The following PIK3R4 variants were observed in gnomAD, a reference collection of about 807,000 sequenced individuals.
The protein encoded by PIK3R4 is phosphoinositide-3-kinase regulatory subunit 4, also known as phosphoinositide 3-kinase regulatory subunit 4.
In PIK3R4, 46 loss-of-function variants were observed where a neutral mutation model predicts 136.5. The ratio of observed to expected loss-of-function variants is 0.34; its 90% confidence interval spans 0.27 to 0.43. The LOEUF (loss-of-function observed/expected upper bound fraction) is 0.43, where lower values mean the gene tolerates loss of function less well. Among genes scored for constraint, PIK3R4 ranks in the 20% least tolerant of loss-of-function variants. PIK3R4 has a pLI of 1.00. For missense variants in PIK3R4, 1,331 were observed against 1,649.5 expected (o/e 0.81, Z 3.35); for synonymous variants, 557 against 566.7 (o/e 0.98, Z 0.24).
At chr3:130,728,406 GAAGT>G (rs2066744537) in intron 6 of PIK3R4, 53 bp downstream of exon 6, 2 of 1,027,504 alleles carry the variant, frequency 1.9e-6, no homozygotes, top group Admixed American at 4.7e-5. Flanking sequence ...AGATTGCATG[GAAGT>G]ATTTGAGAGG....
intron 13 of PIK3R4, among the ~76,000 whole-genome samples, chr3:130,702,639 TA>T (rs2066581424): frequency 6.6e-6 from 1 of 151,986 alleles, no homozygotes; most frequent in South Asian, 2.1e-4. Context: ...CAGACCAAAC[TA>T]GGCAAAGAAC....
At position 130,679,458 on chromosome 3, in the gene PIK3R4, G is replaced by A. The variant is rs756817117; in HGVS notation, c.3934C>T (p.Pro1312Ser). The A allele has an allele frequency of 2.5e-6, 4 of 1,611,982 alleles. No homozygotes were observed. The highest frequency in any genetic ancestry group is 3.3e-5 in the Admixed American group (2 of 59,818). Residue 1312 changes from proline (P) to serine (S), a missense_variant, in exon 20 of 20, where the codon CCA becomes TCA. This residue lies in a region of PIK3R4 where 1,180 missense variants were observed against 1,407.0 expected (regional missense o/e 0.84). Coordinates refer to ENST00000356763, the MANE Select transcript of PIK3R4 (RefSeq NM_014602.3). ...CCCCTTCGAGGGGTGTCATCACTTG[G>A]TCCTACTTTCTGCTTATTCTGAATT... Reference protein sequence around the residue: ...QEIQNKQKVGPSDDTPRRGPE... With the variant: ...QEIQNKQKVGSSDDTPRRGPE...
In PIK3R4 at chr3:130,680,687, C is replaced by T; in HGVS notation, c.3832G>A (p.Val1278Ile). ...WDLAYPERSY[V>I]VAGSTSSPSV... is the part of the protein sequence containing the mutation. ...GGGGAACTAGTACTTCCTGCAACAA[C>T]ATAGGACCTTTCTGGGTAAGCCAAG... Residue 1278 changes from valine (V) to isoleucine (I), a missense_variant, in exon 19 of 20, where the codon GTT becomes ATT. Val to Ile is a conservative substitution (Grantham distance 29, BLOSUM62 3). Around this residue, in one of 2 missense-constraint regions of PIK3R4, gnomAD observed 1,180 missense variants for 1,407.0 expected, o/e 0.84. Transcript: ENST00000356763. 6.2e-7 allele frequency: 1 copy of T among 1,612,834 alleles called. No homozygotes were observed. The highest frequency in any genetic ancestry group is 8.5e-7 in the Non-Finnish European group (1 of 1,179,122).
intron 4 of PIK3R4, among the ~76,000 whole-genome samples, chr3:130,732,128 C>T (rs149925506): frequency 2.5e-4 from 38 of 152,278 alleles, no homozygotes; most frequent in African/African-American, 9.1e-4. Context: ...AGAATTAGAC[C>T]GGATACATTT....
intron 7 of PIK3R4, among the ~76,000 whole-genome samples, chr3:130,720,748 T>A (rs1017211474): frequency 2.0e-5 from 3 of 152,186 alleles, no homozygotes; most frequent in African/African-American, 7.2e-5. Flanking sequence ...TTACAGCACC[T>A]GGGTATAGCA....
intron 2 of PIK3R4, 32 bp downstream of exon 2, chr3:130,744,454 G>C: frequency 1.3e-6 from 2 of 1,554,122 alleles, no homozygotes; most frequent in East Asian, 4.5e-5. Flanking sequence ...AAAAACACAT[G>C]CTCCCTTAGC....
chr3:130,728,368 T>C, intron 6 of PIK3R4, 95 bp downstream of exon 6: 1 of 688,808 alleles, frequency 1.5e-6, no homozygotes, highest in Non-Finnish European at 2.4e-6. Flanking sequence ...TCATTATTAA[T>C]GAAATTTGGT....
chr3:130,691,441 C>T (rs1559820816), intron 13 of PIK3R4, among the ~76,000 whole-genome samples: 1 of 152,244 alleles, frequency 6.6e-6, no homozygotes, highest in East Asian at 1.9e-4. Flanking sequence ...AATATTCAGT[C>T]TCTCCCACAC....
chr3:130,741,183 G>A lies in PIK3R4; in HGVS notation c.733+3303C>T, dbSNP rs1466499517. 2.0e-5 allele frequency among the ~76,000 whole-genome samples: 3 copies of A among 152,160 alleles called. No homozygotes were observed. The East Asian group carries it at 5.8e-4, about 29-fold the overall frequency. The stretch of plus-strand genomic sequence containing the variant: ...CAGAGCCTTTAAGGAGTTAATTAGG[G>A]TTAAAGAGGTAATAAGGGTGTGCCC... On this transcript the variant is annotated intron_variant, in intron 2 of 19. Transcript: ENST00000356763.
intron 2 of PIK3R4, among the ~76,000 whole-genome samples, chr3:130,741,548 G>A (rs1300191415): frequency 2.6e-5 from 4 of 152,202 alleles, no homozygotes; most frequent in East Asian, 1.9e-4. Context: ...TGTTTAAATC[G>A]TCACTATCAT....
At chr3:130,713,982 G>T (rs2066646681) in intron 9 of PIK3R4, among the ~76,000 whole-genome samples, 1 of 152,082 alleles carries the variant, frequency 6.6e-6, no homozygotes, top group Non-Finnish European at 1.5e-5. Flanking sequence ...TGGGATGAAG[G>T]TTTTTAAATT....
intron 2 of PIK3R4, among the ~76,000 whole-genome samples, chr3:130,737,919 T>C (rs1483867496): frequency 1.3e-5 from 2 of 152,208 alleles, no homozygotes; most frequent in South Asian, 2.1e-4. Context: ...TTTTGCACCA[T>C]GGTAAAATCA....
chr3:130,708,248 A>C, intron 10 of PIK3R4, 43 bp downstream of exon 10: 1 of 1,475,580 alleles, frequency 6.8e-7, no homozygotes, highest in Non-Finnish European at 9.4e-7. Flanking sequence ...TTATGAAATA[A>C]CTAACAACAA....
chr3:130,702,555 A>C lies in PIK3R4; in HGVS notation c.3098+1168T>G, dbSNP rs1559823110. On this transcript the variant is annotated intron_variant, in intron 13 of 19. Transcript: ENST00000356763. ...AATTATGGTCAATGAACTTATAACA[A>C]GAAAAGCACCAGAGATTCTCCACAT... Among the ~76,000 whole-genome samples the C allele has an allele frequency of 2.0e-5, 3 of 152,352 alleles. No homozygotes were observed. The East Asian group carries it at 5.8e-4, about 29-fold the overall frequency.
Position 130,703,860 on chromosome 3 carries a change from G to A in PIK3R4, c.2961C>T (p.Ala987=), listed in dbSNP as rs540328212. The change falls in exon 13 of 20, where the codon GCC becomes GCT. Residue 987 remains alanine (A), a synonymous_variant. Transcript: ENST00000356763. ...PGWRPKGLLV[A]HLHEHKSAVN... is the part of the protein sequence containing the mutation. ...CAGCAGATTTATGCTCATGAAGATG[G>A]GCAACTAACAGCCCTTTAGGACGCC... 5.0e-6 allele frequency: 8 copies of A among 1,611,538 alleles called. No individual in the cohort carries two copies. Among genetic ancestry groups the A allele is most frequent in the Non-Finnish European group, 6.8e-6 (8 of 1,178,292 alleles).
At chr3:130,692,493 T>C (rs1461495999) in intron 13 of PIK3R4, among the ~76,000 whole-genome samples, 1 of 152,250 alleles carries the variant, frequency 6.6e-6, no homozygotes, top group East Asian at 1.9e-4. Context: ...TTCTTTCACA[T>C]AACATAATGT....
At chr3:130,740,326 G>A (rs890854012) in intron 2 of PIK3R4, among the ~76,000 whole-genome samples, 5 of 152,304 alleles carry the variant, frequency 3.3e-5, no homozygotes, top group African/African-American at 1.2e-4. Context: ...AATGCTATAA[G>A]AGACATTATT....
chr3:130,684,611 A>G (rs998105695), intron 15 of PIK3R4, among the ~76,000 whole-genome samples: 4 of 152,250 alleles, frequency 2.6e-5, no homozygotes, highest in African/African-American at 9.6e-5. Flanking sequence ...TACTACTAAT[A>G]ATGTAAATTG....
At chr3:130,713,107 G>A (rs1002341362) in intron 9 of PIK3R4, among the ~76,000 whole-genome samples, 2 of 152,166 alleles carry the variant, frequency 1.3e-5, no homozygotes, top group Non-Finnish European at 2.9e-5. Context: ...TCAAAAATAT[G>A]GAAATCACAA....
Sources: allele counts gnomAD v4.1 joint callset (sites outside exome capture counted in the v4.1 genomes callset), GRCh38; gene constraint gnomAD v4.1.1; regional missense constraint gnomAD v4.1.1; transcripts MANE v1.5; gene names NCBI Gene and HGNC (gene_info 2026-07-23, HGNC 2026-07-21).